The following POLN variants were observed in gnomAD, a reference collection of about 807,000 sequenced individuals.
The protein encoded by POLN is DNA polymerase N.
A neutral mutation model predicts 113.5 loss-of-function variants in POLN; 108 were observed. The observed-to-expected ratio is 0.95, with a 90% CI of 0.81 to 1.12. POLN has a LOEUF of 1.12. Among genes scored for constraint, POLN ranks in the 50% most tolerant of loss-of-function variants. The pLI is 0.00. For missense variants in POLN, 1,097 were observed against 1,077.1 expected, an observed-to-expected ratio of 1.02 and a Z score of -0.26; for synonymous variants, 386 against 391.5, an observed-to-expected ratio of 0.99 and a Z score of 0.17.
chr4:2,121,400 A>C (rs1000233817), intron 19 of POLN, among the ~76,000 whole-genome samples: 1 of 149,218 alleles, frequency 6.7e-6, no homozygotes, highest in Non-Finnish European at 1.5e-5. Context: ...GCGCCACTAC[A>C]CTCCAGCCTG....
intron 19 of POLN, among the ~76,000 whole-genome samples, chr4:2,112,098 T>C (rs1322998123): frequency 2.6e-5 from 4 of 152,206 alleles, no homozygotes; most frequent in African/African-American, 9.6e-5. Context: ...TACAACTATC[T>C]GATCTTTGAC....
intron 7 of POLN, among the ~76,000 whole-genome samples, chr4:2,191,519 A>C (rs773615093): frequency 1.3e-5 from 2 of 152,208 alleles, no homozygotes; most frequent in Admixed American, 6.5e-5. Context: ...AGAAAAGATA[A>C]ATGTTTAAGG....
intron 21 of POLN, among the ~76,000 whole-genome samples, chr4:2,082,320 A>AC (rs1730440792): frequency 6.6e-6 from 1 of 152,128 alleles, no homozygotes; most frequent in Admixed American, 6.5e-5. Context: ...ACACAGGACG[A>AC]GGGAGGGCAG....
At position 2,093,757 on chromosome 4, in the gene POLN, T is replaced by C. The variant is rs189326535; in HGVS notation, c.2065+2094A>G. Reference sequence around the variant, plus strand: ...GCAACTCTGAGGAGAATCAATCCAATGTCACACTACTGTCACTCACAGAAC... The same window carrying C: ...GCAACTCTGAGGAGAATCAATCCAACGTCACACTACTGTCACTCACAGAAC... On this transcript the variant is annotated intron_variant, in intron 20 of 25. Transcript: ENST00000511885. This position sits in a 1 kb window ranked among gnomAD's most constrained non-coding sequence, Gnocchi z 4.1. Among the ~76,000 whole-genome samples, 2 of 152,318 alleles carry C rather than the reference T, an allele frequency of 1.3e-5. No homozygotes were observed. Among genetic ancestry groups the C allele is most frequent in the Non-Finnish European group, 2.9e-5 (2 of 68,020 alleles).
At chr4:2,094,811 G>A (rs1400744615) in intron 20 of POLN, among the ~76,000 whole-genome samples, 1 of 152,188 alleles carries the variant, frequency 6.6e-6, no homozygotes, top group Non-Finnish European at 1.5e-5. Context: ...ATTCTCAATG[G>A]AGACTGTAGG....
At chr4:2,079,309 C>T in intron 23 of POLN, 1 of 644,348 alleles carries the variant, frequency 1.6e-6, no homozygotes, top group Non-Finnish European at 1.9e-6. Context: ...AAGACGGAAA[C>T]TAGCACAAGC....
chr4:2,111,475 G>A (rs570656168), intron 19 of POLN, among the ~76,000 whole-genome samples: 1 of 152,308 alleles, frequency 6.6e-6, no homozygotes, highest in South Asian at 2.1e-4. Flanking sequence ...TGACATGATT[G>A]TATATCTAGA....
At chr4:2,106,613 G>T (rs1201377152) in intron 19 of POLN, among the ~76,000 whole-genome samples, 2 of 152,044 alleles carry the variant, frequency 1.3e-5, no homozygotes, top group Non-Finnish European at 2.9e-5. Context: ...GAAAGCCCAG[G>T]GCTCTTACAG....
intron 3 of POLN, among the ~76,000 whole-genome samples, chr4:2,222,701 T>C (rs1734288961): frequency 6.8e-6 from 1 of 147,866 alleles, no homozygotes; most frequent in African/African-American, 2.6e-5. Context: ...CGGCCTTTTT[T>C]TTTTTTTTTT....
In POLN at chr4:2,132,230, A is replaced by C. The variant is rs368116056; in HGVS notation, c.1732-940T>G. 4.6e-5 allele frequency among the ~76,000 whole-genome samples: 7 copies of C among 152,336 alleles called. No homozygotes were observed. In the East Asian group the frequency reaches 5.8e-4, roughly 13 times the overall value. Reference sequence around the variant, plus strand: ...TACCCAATATTTACAGGATAAGCTCAATAATAGTGTAGAGATGACAGAGAA... The same window carrying C: ...TACCCAATATTTACAGGATAAGCTCCATAATAGTGTAGAGATGACAGAGAA... On this transcript the variant is annotated intron_variant, in intron 16 of 25. Transcript: ENST00000511885.
chr4:2,185,008 T>TAGA (rs1299451751), intron 7 of POLN, among the ~76,000 whole-genome samples: 2 of 152,220 alleles, frequency 1.3e-5, no homozygotes, highest in Non-Finnish European at 2.9e-5. Flanking sequence ...TGAAGTGTAC[T>TAGA]TAGGGTAACC....
chr4:2,125,986 C>T (rs1302081454), intron 19 of POLN, among the ~76,000 whole-genome samples: 2 of 152,112 alleles, frequency 1.3e-5, no homozygotes, highest in African/African-American at 4.8e-5. Context: ...AGGACAGGGT[C>T]ACAGAGGGTA....
chr4:2,081,376 G>T (rs963256373), intron 22 of POLN: 1 of 629,544 alleles, frequency 1.6e-6, no homozygotes, highest in Non-Finnish European at 2.7e-6. Context: ...CCACCACAGA[G>T]ATATGGGGAA....
chr4:2,163,732 T>A (rs1732658819), intron 13 of POLN, among the ~76,000 whole-genome samples: 1 of 152,234 alleles, frequency 6.6e-6, no homozygotes, highest in Non-Finnish European at 1.5e-5. Context: ...GGCCTGGGCA[T>A]CCGTGTTTTC....
At chr4:2,155,572 G>A (rs938191549) in intron 16 of POLN, among the ~76,000 whole-genome samples, 2 of 152,098 alleles carry the variant, frequency 1.3e-5, no homozygotes, top group Non-Finnish European at 2.9e-5. Flanking sequence ...GGGAACCCAC[G>A]GGACAGACAC....
intron 19 of POLN, among the ~76,000 whole-genome samples, chr4:2,120,646 A>T (rs1731417348): frequency 6.6e-6 from 1 of 152,044 alleles, no homozygotes; most frequent in Non-Finnish European, 1.5e-5. Flanking sequence ...GGCGCTCATC[A>T]CTACAACCGG....
chr4:2,174,600 C>T (rs2108748741), intron 10 of POLN, 91 bp downstream of exon 10: 2 of 1,101,730 alleles, frequency 1.8e-6, no homozygotes, highest in East Asian at 4.8e-5. Context: ...ATACTATCTA[C>T]TCCTAAGTAA....
Position 2,242,042 on chromosome 4 carries a change from G to C in POLN, c.-284+9C>G, listed in dbSNP as rs1040018989. 2.0e-6 allele frequency: 2 copies of C among 985,478 alleles called. No individual in the cohort carries two copies. Among genetic ancestry groups the C allele is most frequent in the African/African-American group, 3.5e-5 (2 of 57,238 alleles). The allele number at this position is 985,478 out of a possible 1,614,324, so 61.0% of individuals were successfully genotyped here. A position where few individuals can be genotyped will look rare whatever the true frequency, so the allele number is the denominator to read the frequency against. ...CCCTGCGCCCAGAACCGAGGCCCGCGTCAGTCACCTCAGGAAGTTCCGCTT... is the reference window on the plus strand; with the variant it reads ...CCCTGCGCCCAGAACCGAGGCCCGCCTCAGTCACCTCAGGAAGTTCCGCTT... On this transcript the variant is annotated intron_variant, in intron 1 of 25. Transcript: ENST00000511885.
In POLN at chr4:2,073,040, G is replaced by T; in HGVS notation, c.2456-11C>A. On this transcript the variant is annotated splice_polypyrimidine_tract_variant and intron_variant, in intron 24 of 25. Coordinates refer to ENST00000511885, the MANE Select transcript of POLN (RefSeq NM_181808.4). ...TCCTCCTGACGAGAGCTAGAGTGCG[G>T]AAGAGAGAGGAGGCCCTGCTGGTCT... 6.2e-7 allele frequency: 1 copy of T among 1,612,978 alleles called. No homozygotes were observed. Among genetic ancestry groups the T allele is most frequent in the Non-Finnish European group, 8.5e-7 (1 of 1,179,726 alleles).
Sources: allele counts gnomAD v4.1 joint callset (sites outside exome capture counted in the v4.1 genomes callset), GRCh38; gene constraint gnomAD v4.1.1; non-coding constraint Gnocchi (gnomAD v3.1); transcripts MANE v1.5; gene names NCBI Gene and HGNC (gene_info 2026-07-23, HGNC 2026-07-21).